ECE1: variants seen among roughly 807,000 people sequenced by gnomAD.
The protein encoded by ECE1 is endothelin converting enzyme 1, also known as endothelin-converting enzyme 1.
In ECE1, 35 loss-of-function variants were observed where a neutral mutation model predicts 98.6. That is an observed-to-expected ratio of 0.35 (90% confidence interval 0.27 to 0.47). The LOEUF (loss-of-function observed/expected upper bound fraction) is 0.47, where lower values mean the gene tolerates loss of function less well. Ranked by LOEUF, ECE1 falls within the 20% of genes least tolerant of loss-of-function variation. The pLI, the probability that ECE1 is intolerant of heterozygous loss-of-function variation, is 1.00. For missense variants in ECE1, 814 were observed against 1,025.3 expected (o/e 0.79, Z 2.81); for synonymous variants, 394 against 407.1 (o/e 0.97, Z 0.39).
At chr1:21,264,667 C>T (rs1345568028) in intron 4 of ECE1, among the ~76,000 whole-genome samples, 1 of 152,220 alleles carries the variant, frequency 6.6e-6, no homozygotes, top group Non-Finnish European at 1.5e-5. Context: ...CCAACAGGGG[C>T]AATACTGCCC....
chr1:21,263,388 C>T (rs572410971), intron 4 of ECE1, among the ~76,000 whole-genome samples: 5 of 150,338 alleles, frequency 3.3e-5, no homozygotes, highest in East Asian at 2.0e-4. Flanking sequence ...GACAGAGTCT[C>T]GCTCTGTCAC....
chr1:21,287,413 C>A (rs944236416), intron 2 of ECE1, among the ~76,000 whole-genome samples: 1 of 152,132 alleles, frequency 6.6e-6, no homozygotes, highest in Admixed American at 6.5e-5. Flanking sequence ...GTAATCCCAG[C>A]TACTCCGGAG....
intron 7 of ECE1, among the ~76,000 whole-genome samples, chr1:21,257,031 G>C (rs1239043506): frequency 2.0e-5 from 3 of 152,160 alleles, no homozygotes; most frequent in Non-Finnish European, 2.9e-5. Context: ...CAGGCCAGGG[G>C]GAGGGAGAGC....
intron 1 of ECE1, among the ~76,000 whole-genome samples, chr1:21,326,873 C>T (rs758599952): frequency 2.0e-5 from 3 of 152,166 alleles, no homozygotes; most frequent in Non-Finnish European, 4.4e-5. Context: ...GCCCCTGCGT[C>T]TCCTTTCTCT....
chr1:21,222,672 C>G (rs538601584), intron 17 of ECE1, among the ~76,000 whole-genome samples: 23 of 151,974 alleles, frequency 1.5e-4, no homozygotes, highest in African/African-American at 5.5e-4. Context: ...GAAACCCCAT[C>G]TCTACTAAAA....
At chr1:21,237,082 T>C (rs1447191414) in intron 11 of ECE1, among the ~76,000 whole-genome samples, 1 of 152,090 alleles carries the variant, frequency 6.6e-6, no homozygotes, top group African/African-American at 2.4e-5. Flanking sequence ...TAGGATGAGC[T>C]TCGGGAAAGT....
intron 3 of ECE1, among the ~76,000 whole-genome samples, chr1:21,276,187 G>A (rs1251577212): frequency 6.6e-6 from 1 of 151,894 alleles, no homozygotes; most frequent in Non-Finnish European, 1.5e-5. Flanking sequence ...CACCACGCCT[G>A]GCTAATTTTT....
intron 1 of ECE1, among the ~76,000 whole-genome samples, chr1:21,341,677 G>A (rs1467869484): frequency 5.3e-5 from 8 of 152,230 alleles, no homozygotes; most frequent in African/African-American, 1.9e-4. Flanking sequence ...GTCACCAGCA[G>A]GGGCACAGGC....
At chr1:21,278,461 T>G (rs1379815574) in intron 3 of ECE1, among the ~76,000 whole-genome samples, 1 of 152,208 alleles carries the variant, frequency 6.6e-6, no homozygotes, top group Admixed American at 6.5e-5. Context: ...GGGGGTGTAA[T>G]GCGCTCTGGA....
chr1:21,325,485 C>G lies in ECE1; in HGVS notation c.3+19891G>C, dbSNP rs536464911. ...CATGCAGGCTTCTCATCCTCTTTTG[C>G]TGGCCTCCTCCCTCCTCGCTGTCCC... On this transcript the variant is annotated intron_variant, in intron 1 of 18. Transcript: ENST00000415912. Among the ~76,000 whole-genome samples, 847 of 152,360 alleles carry G rather than the reference C, an allele frequency of 5.6e-3. 3 individuals are homozygous for G. The highest frequency in any genetic ancestry group is 0.01 in the Non-Finnish European group (685 of 68,040).
upstream of ECE1, among the ~76,000 whole-genome samples, chr1:21,292,826 A>G (rs369799632): frequency 2.0e-4 from 30 of 152,320 alleles, 2 homozygotes; most frequent in East Asian, 1.5e-3. Context: ...GGTGCATGGG[A>G]AAGCTCTGAA....
intron 7 of ECE1, chr1:21,256,752 T>G (rs2098220447): frequency 6.5e-6 from 1 of 153,498 alleles, no homozygotes; most frequent in Non-Finnish European, 1.4e-5. Flanking sequence ...GAATGCATCT[T>G]TTCTGACCAC....
Position 21,220,025 on chromosome 1 carries a change from T to G in ECE1, c.2243A>C (p.Glu748Ala). The G allele has an allele frequency of 6.2e-7, 1 of 1,614,190 alleles. No individual in the cohort carries two copies. Among genetic ancestry groups the G allele is most frequent in the South Asian group, 1.1e-5 (1 of 91,088 alleles). ...TGGGCAGCGGAAGTGTTCTGAGAAC[T>G]CCTTGGAATTGGAGAGGGAGCCGAT... Reference protein sequence around the residue: ...RVIGSLSNSKEFSEHFRCPPG... With the variant: ...RVIGSLSNSKAFSEHFRCPPG... The change falls in exon 19 of 19, where the codon GAG becomes GCG. Residue 748 changes from glutamate (E) to alanine (A), a missense_variant. Around this residue, in one of 3 missense-constraint regions of ECE1, gnomAD observed 452 missense variants for 567.3 expected, o/e 0.80. Coordinates refer to ENST00000374893, the MANE Select transcript of ECE1 (RefSeq NM_001397.3). The surrounding 1 kb of genome is among the most constrained non-coding windows in gnomAD (Gnocchi z 5.0).
Position 21,219,854 on chromosome 1 carries a change from C to T in ECE1, c.*101G>A, listed in dbSNP as rs28368053. The T allele has an allele frequency of 6.7e-7, 1 of 1,487,438 alleles. No homozygotes were observed. Among genetic ancestry groups the T allele is most frequent in the Admixed American group, 1.9e-5 (1 of 53,050 alleles). 92.1% of individuals were successfully genotyped at this position (1,487,438 alleles called of 1,614,324 possible). A position where few individuals can be genotyped will look rare whatever the true frequency, so the allele number is the denominator to read the frequency against. ...AACCCGCCAGTGTGAGGAAGCAGGG[C>T]CCCGGGTGGCCAAGCGGGCTGAGCA... On this transcript the variant is annotated 3_prime_UTR_variant, in exon 19 of 19. Transcript: ENST00000374893. This position sits in a 1 kb window ranked among gnomAD's most constrained non-coding sequence, Gnocchi z 4.5.
rs768754242 is a variant in ECE1 at position 21,221,813 on chromosome 1, C to T, written c.2070G>A (p.Gly690=). Residue 690 remains glycine, a synonymous_variant, in exon 18 of 19, where the codon GGG becomes GGA. Coordinates refer to ENST00000374893, the MANE Select transcript of ECE1 (RefSeq NM_001397.3). The stretch of plus-strand genomic sequence containing the variant: ...CCAGGGTGGGGAGCGAGTGCTCAGC[C>T]CCGTTCTTCTTCACCCAGTTCTGGT... The part of the protein sequence containing the change: ...RAYQNWVKKN[G]AEHSLPTLGL... 3 of 1,614,180 alleles carry T rather than the reference C, an allele frequency of 1.9e-6. No homozygotes were observed. The highest frequency in any genetic ancestry group is 2.2e-5 in the South Asian group (2 of 91,080).
At chr1:21,247,151 CCCTGCCCA>C (rs2098204821) in intron 9 of ECE1, 62 bp downstream of exon 9, 2 of 1,610,086 alleles carry the variant, frequency 1.2e-6, no homozygotes, top group Non-Finnish European at 1.7e-6. Flanking sequence ...TCATCCCCAC[CCCTGCCCA>C]CCTGCCCAAG....
intron 14 of ECE1, 149 bp from the exon 15 acceptor site, chr1:21,228,190 G>T: frequency 1.7e-6 from 1 of 605,840 alleles, no homozygotes; most frequent in Non-Finnish European, 2.9e-6. Context: ...ACAAGTACAA[G>T]GACATCTACA....
intron 1 of ECE1, among the ~76,000 whole-genome samples, chr1:21,300,334 C>A (rs1461863535): frequency 1.3e-5 from 2 of 152,254 alleles, no homozygotes; most frequent in East Asian, 3.8e-4. Context: ...CCATTTTCCT[C>A]ACCTCTAAGA....
At chr1:21,335,258 C>T (rs909628968) in intron 1 of ECE1, among the ~76,000 whole-genome samples, 23 of 152,050 alleles carry the variant, frequency 1.5e-4, no homozygotes, top group African/African-American at 4.4e-4. Context: ...TCCTCTAGAG[C>T]GGCCCCCTCC....
Sources: allele counts gnomAD v4.1 joint callset (sites outside exome capture counted in the v4.1 genomes callset), GRCh38; gene constraint gnomAD v4.1.1; regional missense constraint gnomAD v4.1.1; non-coding constraint Gnocchi (gnomAD v3.1); transcripts MANE v1.5; gene names NCBI Gene and HGNC (gene_info 2026-07-23, HGNC 2026-07-21).